The following ELP4 variants were observed in gnomAD, a reference collection of about 807,000 sequenced individuals.
ELP4 encodes the protein elongator acetyltransferase complex subunit 4, also known as elongator complex protein 4.
Under a neutral mutation model 48.9 loss-of-function variants are expected in ELP4, and 51 were observed. That is an observed-to-expected ratio of 1.04 (90% CI 0.83 to 1.32). The LOEUF (loss-of-function observed/expected upper bound fraction) is 1.32, where lower values mean the gene tolerates loss of function less well. ELP4 is among the 40% of genes most tolerant of loss of function. ELP4 has a pLI of 0.00. For missense variants in ELP4, 519 were observed against 514.6 expected (o/e 1.01, Z -0.08); for synonymous variants, 210 against 189.2 (o/e 1.11, Z -0.90).
chr11:31,560,336 A>G (rs1405565757), intron 3 of ELP4, among the ~76,000 whole-genome samples: 1 of 152,158 alleles, frequency 6.6e-6, no homozygotes, highest in Non-Finnish European at 1.5e-5. Flanking sequence ...CTTAAAAGAT[A>G]ATGTACTTAT....
At chr11:31,581,896 G>A (rs1053509265) in intron 3 of ELP4, among the ~76,000 whole-genome samples, 14 of 151,988 alleles carry the variant, frequency 9.2e-5, no homozygotes, top group African/African-American at 2.7e-4. Context: ...GGGACTACAG[G>A]CATGCCCCAC....
chr11:31,539,389 C>T (rs906047302), intron 2 of ELP4, among the ~76,000 whole-genome samples: 6 of 152,074 alleles, frequency 3.9e-5, no homozygotes, highest in African/African-American at 1.4e-4. Context: ...CCAGGCAGAG[C>T]TTGCAGTGAG....
chr11:31,627,045 C>T (rs1944759348), intron 5 of ELP4, 65 bp from the exon 6 acceptor site: 2 of 862,282 alleles, frequency 2.3e-6, no homozygotes, highest in Non-Finnish European at 3.9e-6. Context: ...AATGTTTTAT[C>T]ATAGATTGTG....
intron 5 of ELP4, among the ~76,000 whole-genome samples, chr11:31,607,267 A>G (rs1352809749): frequency 1.3e-5 from 2 of 152,184 alleles, no homozygotes; most frequent in African/African-American, 4.8e-5. Flanking sequence ...ATCTTTGTCC[A>G]TTTGTGATGC....
At chr11:31,581,962 C>T (rs1339258077) in intron 3 of ELP4, among the ~76,000 whole-genome samples, 1 of 152,096 alleles carries the variant, frequency 6.6e-6, no homozygotes, top group African/African-American at 2.4e-5. Flanking sequence ...CTGTTTTGCC[C>T]AGGCTGGTCT....
intron 9 of ELP4, among the ~76,000 whole-genome samples, chr11:31,751,111 C>T (rs905627206): frequency 6.6e-6 from 1 of 152,152 alleles, no homozygotes; most frequent in African/African-American, 2.4e-5. Context: ...GAAGTACATA[C>T]AATACACATT....
intron 9 of ELP4, among the ~76,000 whole-genome samples, chr11:31,758,911 C>G (rs1046182314): frequency 6.6e-6 from 1 of 152,024 alleles, no homozygotes; most frequent in Admixed American, 6.6e-5. Context: ...AAGTGAGCCA[C>G]CACACCCAGC....
At chr11:31,747,055 T>G (rs1026616847) in intron 9 of ELP4, among the ~76,000 whole-genome samples, 9 of 149,616 alleles carry the variant, frequency 6.0e-5, no homozygotes, top group Non-Finnish European at 7.4e-5. Flanking sequence ...GTGTGTGTGT[T>G]TGTGTGTGTC....
At chr11:31,639,539 C>T (rs573733777) in intron 7 of ELP4, among the ~76,000 whole-genome samples, 9 of 151,732 alleles carry the variant, frequency 5.9e-5, no homozygotes, top group African/African-American at 1.9e-4. Flanking sequence ...GTGCGTTATA[C>T]GTATATATTT....
At chr11:31,680,697 A>G (rs1302042966) in intron 9 of ELP4, among the ~76,000 whole-genome samples, 1 of 152,204 alleles carries the variant, frequency 6.6e-6, no homozygotes, top group Non-Finnish European at 1.5e-5. Context: ...GTTGTATGCA[A>G]TAGAGAAGGT....
intron 9 of ELP4, among the ~76,000 whole-genome samples, chr11:31,668,227 C>A (rs1235058677): frequency 6.6e-6 from 1 of 151,972 alleles, no homozygotes; most frequent in Non-Finnish European, 1.5e-5. Context: ...ATATAAGTTT[C>A]TTTTCAACAC....
In ELP4 at chr11:31,787,634, C is replaced by T. The variant is rs1478220023; in HGVS notation, c.*4110C>T. 1.7e-5 allele frequency: 4 copies of T among 231,972 alleles called. No homozygotes were observed. Among genetic ancestry groups the T allele is most frequent in the Non-Finnish European group, 3.4e-5 (4 of 117,270 alleles). The allele number at this position is 231,972 out of a possible 1,614,324, so 14.4% of individuals were successfully genotyped here. The stretch of plus-strand genomic sequence containing the variant: ...CAACAGTGCGTATGTGTGCTCACTC[C>T]CCTGCAGAAATGTGCTGCTGTGCAG... On this transcript the variant is annotated 3_prime_UTR_variant, in exon 10 of 10. Transcript: ENST00000640961.
chr11:31,596,571 T>C (rs907851308), intron 4 of ELP4, among the ~76,000 whole-genome samples: 5 of 152,304 alleles, frequency 3.3e-5, no homozygotes, highest in Admixed American at 2.6e-4. Flanking sequence ...TAATGATAAA[T>C]GTATTTATTC....
chr11:31,657,421 T>C (rs1444753852), intron 9 of ELP4, among the ~76,000 whole-genome samples: 8 of 152,022 alleles, frequency 5.3e-5, no homozygotes, highest in Non-Finnish European at 1.2e-4. Context: ...TTTGTTTATT[T>C]TCCCAACCTC....
intron 9 of ELP4, among the ~76,000 whole-genome samples, chr11:31,712,045 T>C (rs1946752261): frequency 6.6e-6 from 1 of 152,084 alleles, no homozygotes; most frequent in South Asian, 2.1e-4. Flanking sequence ...GATTCTCATA[T>C]GAATGATGGG....
chr11:31,579,664 T>C (rs998333788), intron 3 of ELP4, among the ~76,000 whole-genome samples: 19 of 151,830 alleles, frequency 1.3e-4, no homozygotes, highest in Non-Finnish European at 2.4e-4. Context: ...AAACCATCAT[T>C]CTGAGCAAAG....
intron 3 of ELP4, among the ~76,000 whole-genome samples, chr11:31,592,566 A>G (rs1018841117): frequency 2.0e-5 from 3 of 149,610 alleles, no homozygotes; most frequent in African/African-American, 7.3e-5. Flanking sequence ...ATATGTATAT[A>G]TAAGAAACCT....
chr11:31,641,533 T>C (rs537154983), intron 7 of ELP4, among the ~76,000 whole-genome samples: 2 of 151,928 alleles, frequency 1.3e-5, no homozygotes, highest in East Asian at 1.9e-4. Flanking sequence ...CTGGTGAAAA[T>C]AAGACACCCT....
At position 31,783,902 on chromosome 11, in the gene ELP4, TTCTC is replaced by T. The variant is rs1425498784; in HGVS notation, c.*380_*383del. 3 of 156,120 alleles carry T rather than the reference TTCTC, an allele frequency of 1.9e-5. No individual in the cohort carries two copies. Among genetic ancestry groups the T allele is most frequent in the Admixed American group, 6.5e-5 (1 of 15,406 alleles). 9.7% of individuals were successfully genotyped at this position (156,120 alleles called of 1,614,324 possible). Reference sequence around the variant, plus strand: ...TCAAGATTGTATGTGAAAACATACTTTCTCTTTATTACAGAAACAGTCACTTGCC... The same window carrying T: ...TCAAGATTGTATGTGAAAACATACTTTTTATTACAGAAACAGTCACTTGCC... On this transcript the variant is annotated 3_prime_UTR_variant, in exon 10 of 10. Coordinates refer to ENST00000640961, the MANE Select transcript of ELP4 (RefSeq NM_019040.5).
Sources: allele counts gnomAD v4.1 joint callset (sites outside exome capture counted in the v4.1 genomes callset), GRCh38; gene constraint gnomAD v4.1.1; transcripts MANE v1.5; gene names NCBI Gene and HGNC (gene_info 2026-07-23, HGNC 2026-07-21).